DGLUCY: variants seen among roughly 807,000 people sequenced by gnomAD.
The protein encoded by DGLUCY is D-glutamate cyclase, mitochondrial.
DGLUCY carries 58 observed loss-of-function variants against 58.5 expected under a neutral mutation model. The ratio of observed to expected loss-of-function variants is 0.99; its 90% CI spans 0.80 to 1.23. The LOEUF is 1.23. Ranked by LOEUF, DGLUCY falls within the 50% of genes most tolerant of loss-of-function variation. DGLUCY has a pLI of 0.00. For missense variants in DGLUCY, 779 were observed against 784.7 expected, an observed-to-expected ratio of 0.99 and a Z score of 0.09; for synonymous variants, 325 against 314.1, an observed-to-expected ratio of 1.03 and a Z score of -0.37.
chr14:91,218,838 G>A (rs951891041), intron 13 of DGLUCY, among the ~76,000 whole-genome samples: 9 of 151,624 alleles, frequency 5.9e-5, no homozygotes, highest in African/African-American at 1.2e-4. Flanking sequence ...CTGGGGAGAC[G>A]ACACATGACA....
chr14:91,111,248 G>GTGTA (rs1555391921), upstream of DGLUCY, among the ~76,000 whole-genome samples: 461 of 81,130 alleles, frequency 5.7e-3, 7 homozygotes, highest in East Asian at 0.04. Context: ...GTGTGTGTGT[G>GTGTA]TATATATCTA....
At chr14:91,085,563 G>GTTTTTTTTTTT (rs869263434) in intron 1 of DGLUCY, among the ~76,000 whole-genome samples, 11 of 125,678 alleles carry the variant, frequency 8.8e-5, no homozygotes, top group Non-Finnish European at 8.5e-5. Flanking sequence ...TTTTTTTTTT[G>GTTTTTTTTTTT]TTTTTTTTTT....
At chr14:91,192,248 G>A (rs1483721911) in intron 9 of DGLUCY, among the ~76,000 whole-genome samples, 1 of 152,174 alleles carries the variant, frequency 6.6e-6, no homozygotes, top group Non-Finnish European at 1.5e-5. Flanking sequence ...AGTGGATTAA[G>A]CCAATCGTAT....
At chr14:91,160,212 C>A in intron 2 of DGLUCY, 54 bp from the exon 3 acceptor site, 3 of 1,099,184 alleles carry the variant, frequency 2.7e-6, no homozygotes, top group Non-Finnish European at 4.2e-6. Context: ...GCTGAATCTG[C>A]TGCCTTCAGG....
chr14:91,102,082 A>G (rs950802911), intron 1 of DGLUCY, among the ~76,000 whole-genome samples: 3 of 152,178 alleles, frequency 2.0e-5, no homozygotes, highest in African/African-American at 4.8e-5. Flanking sequence ...TAGATATCTC[A>G]GTTACCTTGA....
rs537153467 is a variant in DGLUCY, at chr14:91,194,190, C to T, written c.1196-2185C>T. Among the ~76,000 whole-genome samples, 16 of 152,296 alleles carry T rather than the reference C, an allele frequency of 1.1e-4. 1 individual carries two copies. The South Asian group carries it at 3.1e-3, about 30-fold the overall frequency. On this transcript the variant is annotated intron_variant, in intron 9 of 13. Coordinates refer to ENST00000256324, the MANE Select transcript of DGLUCY (RefSeq NM_001102368.3). ...CACACAGCATGTCATTGCCCTGTCG[C>T]GGTAGTCCTGGGAGGTGGGTGTTAC...
At chr14:91,153,816 A>G (rs2047456335) in intron 1 of DGLUCY, among the ~76,000 whole-genome samples, 1 of 152,206 alleles carries the variant, frequency 6.6e-6, no homozygotes, top group Non-Finnish European at 1.5e-5. Context: ...TATTTTGCCA[A>G]AGTTAAGGAT....
chr14:91,178,118 G>C (rs1211033113), intron 7 of DGLUCY, among the ~76,000 whole-genome samples: 2 of 152,178 alleles, frequency 1.3e-5, no homozygotes, highest in African/African-American at 4.8e-5. Context: ...ATTGATCGTA[G>C]ATGAGAACAA....
chr14:91,162,535 T>C (rs1267400887), intron 3 of DGLUCY, among the ~76,000 whole-genome samples: 1 of 152,170 alleles, frequency 6.6e-6, no homozygotes, highest in African/African-American at 2.4e-5. Flanking sequence ...TTGGGGACTT[T>C]TCTGTTCATC....
At chr14:91,145,850 C>G (rs1427263718) in intron 1 of DGLUCY, among the ~76,000 whole-genome samples, 1 of 152,050 alleles carries the variant, frequency 6.6e-6, no homozygotes, top group East Asian at 1.9e-4. Flanking sequence ...GGTCTATACA[C>G]TCATCCCCAT....
Position 91,215,808 on chromosome 14 carries a change from T to C in DGLUCY, c.1716+252T>C. On this transcript the variant is annotated intron_variant, in intron 13 of 13. Coordinates refer to ENST00000256324, the MANE Select transcript of DGLUCY (RefSeq NM_001102368.3). ...TTTGACTTTGGGTGAGTTGCTTAGC[T>C]TCTCTGAGCCTCATTTTCTTCATCT... The C allele has an allele frequency of 3.2e-6, 4 of 1,260,878 alleles. No individual in the cohort carries two copies. In the South Asian group the frequency reaches 6.2e-5, roughly 19 times the overall value. 78.1% of individuals were successfully genotyped at this position (1,260,878 alleles called of 1,614,324 possible). A position where few individuals can be genotyped will look rare whatever the true frequency, so the allele number is the denominator to read the frequency against.
At chr14:91,138,459 C>T (rs532293039) in intron 1 of DGLUCY, among the ~76,000 whole-genome samples, 56 of 152,158 alleles carry the variant, frequency 3.7e-4, no homozygotes, top group African/African-American at 1.3e-3. Flanking sequence ...CCATTGCACT[C>T]CAGCCTGGGC....
intron 1 of DGLUCY, among the ~76,000 whole-genome samples, chr14:91,066,464 G>A (rs2043823306): frequency 2.0e-5 from 3 of 151,808 alleles, no homozygotes; most frequent in African/African-American, 7.3e-5. Flanking sequence ...TGCCAGAACG[G>A]GGTCCGTGCT....
At chr14:91,182,708 A>C (rs28628146) in intron 8 of DGLUCY, among the ~76,000 whole-genome samples, 12,551 of 152,058 alleles carry the variant, frequency 0.083, 1,031 homozygotes, top group African/African-American at 0.21. Context: ...ATGGGGTAGG[A>C]TTACTTCTCC....
chr14:91,202,546 G>A (rs1339284937), intron 11 of DGLUCY, among the ~76,000 whole-genome samples: 10 of 152,228 alleles, frequency 6.6e-5, no homozygotes, highest in East Asian at 3.9e-4. Flanking sequence ...CACACAGTGC[G>A]GTTGGCTTCC....
intron 1 of DGLUCY, among the ~76,000 whole-genome samples, chr14:91,082,320 A>G (rs1444679060): frequency 3.3e-5 from 5 of 152,164 alleles, no homozygotes; most frequent in African/African-American, 1.2e-4. Flanking sequence ...AGCCAGTATG[A>G]TGTTCTGACC....
At chr14:91,156,779 C>T (rs2047644111) in intron 1 of DGLUCY, among the ~76,000 whole-genome samples, 1 of 152,212 alleles carries the variant, frequency 6.6e-6, no homozygotes, top group Non-Finnish European at 1.5e-5. Context: ...TCTCACCTCA[C>T]TTCTAGAGGA....
chr14:91,146,598 G>A (rs1222973444), intron 1 of DGLUCY, among the ~76,000 whole-genome samples: 2 of 152,118 alleles, frequency 1.3e-5, no homozygotes, highest in African/African-American at 2.4e-5. Flanking sequence ...GCAGCAAGAC[G>A]AGTGGGACAT....
At chr14:91,166,500 A>G (rs1449768778) in intron 3 of DGLUCY, among the ~76,000 whole-genome samples, 1 of 152,084 alleles carries the variant, frequency 6.6e-6, no homozygotes, top group African/African-American at 2.4e-5. Context: ...CCCCATCCCT[A>G]CTAAAAATAC....
Sources: allele counts gnomAD v4.1 joint callset (sites outside exome capture counted in the v4.1 genomes callset), GRCh38; gene constraint gnomAD v4.1.1; transcripts MANE v1.5; gene names NCBI Gene and HGNC (gene_info 2026-07-23, HGNC 2026-07-21).